Variants in SSBP2 observed in about 807,000 individuals in gnomAD.
The protein encoded by SSBP2 is single-stranded DNA-binding protein 2.
A neutral mutation model predicts 61.8 loss-of-function variants in SSBP2; 17 were observed. The ratio of observed to expected loss-of-function variants is 0.28; its 90% CI spans 0.19 to 0.41. SSBP2 has a LOEUF of 0.41. SSBP2 is among the 10% of genes least tolerant of loss of function. The pLI is 1.00. For missense variants in SSBP2, 310 were observed against 458.7 expected (o/e 0.68, Z 2.96); for synonymous variants, 139 against 141.3 (o/e 0.98, Z 0.12).
intron 4 of SSBP2, among the ~76,000 whole-genome samples, chr5:81,517,565 T>C (rs1306401359): frequency 2.0e-5 from 3 of 152,034 alleles, no homozygotes; most frequent in Admixed American, 6.6e-5. Flanking sequence ...CCATGATATC[T>C]TTCTTCATGT....
At chr5:81,691,163 T>C (rs765524772) in intron 1 of SSBP2, among the ~76,000 whole-genome samples, 51 of 151,666 alleles carry the variant, frequency 3.4e-4, no homozygotes, top group African/African-American at 1.1e-3. Flanking sequence ...CTTAAAGAAT[T>C]AGAAAAGCAA....
intron 3 of SSBP2, among the ~76,000 whole-genome samples, chr5:81,630,184 T>C (rs1420394540): frequency 6.6e-6 from 1 of 152,236 alleles, no homozygotes; most frequent in Non-Finnish European, 1.5e-5. Flanking sequence ...CCTAATCATG[T>C]AGACCTCAAC....
intron 1 of SSBP2, among the ~76,000 whole-genome samples, chr5:81,737,787 CAA>C (rs35211460): frequency 2.8e-5 from 3 of 108,272 alleles, no homozygotes; most frequent in Admixed American, 9.2e-5. Flanking sequence ...GACTCCATCT[CAA>C]AAAAAAAAAA....
rs1761357272 is a variant in SSBP2, at chr5:81,417,501, A to G, written c.*3003T>C. 6.6e-6 allele frequency: 1 copy of G among 152,240 alleles called. No individual in the cohort carries two copies. The allele number at this position is 152,240 out of a possible 1,614,324, so 9.4% of individuals were successfully genotyped here. On this transcript the variant is annotated 3_prime_UTR_variant, in exon 17 of 17. Coordinates refer to ENST00000320672, the MANE Select transcript of SSBP2 (RefSeq NM_012446.5). Reference sequence around the variant, plus strand: ...ATGTTCAATGCAGCAAGAATTGCTGATATTATTACTGTGAGATGACGTGTA... The same window carrying G: ...ATGTTCAATGCAGCAAGAATTGCTGGTATTATTACTGTGAGATGACGTGTA...
intron 4 of SSBP2, among the ~76,000 whole-genome samples, chr5:81,583,597 T>C (rs1774845469): frequency 7.4e-6 from 1 of 135,948 alleles, no homozygotes; most frequent in Admixed American, 8.3e-5. Flanking sequence ...GCCACTGCAC[T>C]CCAGCCTGGG....
intron 1 of SSBP2, among the ~76,000 whole-genome samples, chr5:81,657,147 T>A (rs568440176): frequency 3.5e-4 from 54 of 152,310 alleles, no homozygotes; most frequent in Non-Finnish European, 7.3e-4. Context: ...GAGCTTATAT[T>A]TCCTATTTAG....
intron 15 of SSBP2, among the ~76,000 whole-genome samples, chr5:81,432,368 C>T (rs1762346394): frequency 3.3e-5 from 5 of 152,240 alleles, no homozygotes; most frequent in Admixed American, 3.3e-4. Context: ...TGTCTTCTCA[C>T]ATACATGTGT....
intron 1 of SSBP2, among the ~76,000 whole-genome samples, chr5:81,679,510 T>C (rs1477404841): frequency 6.6e-6 from 1 of 152,234 alleles, no homozygotes; most frequent in Non-Finnish European, 1.5e-5. Context: ...TGGTATAGTG[T>C]TATTTGAAAG....
At chr5:81,728,119 G>A (rs536192424) in intron 1 of SSBP2, among the ~76,000 whole-genome samples, 1 of 152,180 alleles carries the variant, frequency 6.6e-6, no homozygotes, top group African/African-American at 2.4e-5. Context: ...AGATAATTCA[G>A]CGTCCTGTGA....
intron 12 of SSBP2, 197 bp from the exon 13 acceptor site, chr5:81,442,920 G>T: frequency 2.6e-6 from 1 of 389,662 alleles, no homozygotes; most frequent in Non-Finnish European, 4.6e-6. Flanking sequence ...TCATAAATTA[G>T]GTATGAGGAA....
intron 4 of SSBP2, among the ~76,000 whole-genome samples, chr5:81,612,496 A>G (rs963770575): frequency 6.6e-6 from 1 of 152,108 alleles, no homozygotes; most frequent in African/African-American, 2.4e-5. Context: ...CATTATCCCA[A>G]TATCAAAAGA....
intron 4 of SSBP2, 86 bp downstream of exon 4, chr5:81,615,382 CAAAAG>C: frequency 2.1e-6 from 2 of 957,710 alleles, no homozygotes; most frequent in African/African-American, 1.6e-5. Context: ...AGTACCAAAA[CAAAAG>C]AATAGATGAG....
rs938505889 is a variant in SSBP2 at position 81,682,394 on chromosome 5, T to C, written c.63-32055A>G. ...GCTGGTTCAACATTCAAAAATCAAA[T>C]AGTATAAGTGGTCACATCAACAGGC... On this transcript the variant is annotated intron_variant, in intron 1 of 16. Transcript: ENST00000320672. Among the ~76,000 whole-genome samples, 10 of 152,170 alleles carry C rather than the reference T, an allele frequency of 6.6e-5. No individual in the cohort carries two copies. The East Asian group carries it at 1.7e-3, about 26-fold the overall frequency.
chr5:81,636,768 C>A, intron 2 of SSBP2, 150 bp from the exon 3 acceptor site: 1 of 672,322 alleles, frequency 1.5e-6, no homozygotes, highest in East Asian at 2.8e-5. Context: ...TGCAAGTACT[C>A]ATTTTACAAG....
At chr5:81,535,445 A>G (rs1254302499) in intron 4 of SSBP2, among the ~76,000 whole-genome samples, 2 of 152,150 alleles carry the variant, frequency 1.3e-5, no homozygotes, top group African/African-American at 4.8e-5. Flanking sequence ...TGTAAAGTTT[A>G]TATGAATAGG....
intron 4 of SSBP2, among the ~76,000 whole-genome samples, chr5:81,516,859 G>A (rs1439671174): frequency 6.6e-6 from 1 of 152,026 alleles, no homozygotes; most frequent in Non-Finnish European, 1.5e-5. Context: ...CGGATATGTT[G>A]CTGAAATTTC....
At chr5:81,694,727 T>C (rs932436622) in intron 1 of SSBP2, among the ~76,000 whole-genome samples, 4 of 152,152 alleles carry the variant, frequency 2.6e-5, no homozygotes, top group African/African-American at 9.7e-5. Flanking sequence ...CTAATCCTAA[T>C]GCTTTGGGAG....
chr5:81,652,759 T>C (rs1020395865), intron 1 of SSBP2, among the ~76,000 whole-genome samples: 5 of 152,122 alleles, frequency 3.3e-5, no homozygotes, highest in African/African-American at 1.2e-4. Flanking sequence ...TCTCCAATTT[T>C]TTTTTTTCAT....
chr5:81,592,228 C>T (rs1036200957), intron 4 of SSBP2, among the ~76,000 whole-genome samples: 1 of 152,218 alleles, frequency 6.6e-6, no homozygotes, highest in Non-Finnish European at 1.5e-5. Flanking sequence ...CACAGAGTCT[C>T]GCTCATTGCT....
Sources: allele counts gnomAD v4.1 joint callset (sites outside exome capture counted in the v4.1 genomes callset), GRCh38; gene constraint gnomAD v4.1.1; transcripts MANE v1.5; gene names NCBI Gene and HGNC (gene_info 2026-07-23, HGNC 2026-07-21).